ASIP: variants seen among roughly 807,000 people sequenced by gnomAD.
The protein encoded by ASIP is agouti-signaling protein.
Under a neutral mutation model 10.3 loss-of-function variants are expected in ASIP, and 11 were observed. That is an observed-to-expected ratio of 1.07 (90% CI 0.68 to 1.78). ASIP has a LOEUF of 1.78. Among genes scored for constraint, ASIP ranks in the 40% most tolerant of loss-of-function variants. ASIP has a pLI of 0.00. For synonymous variants in ASIP, 70 were observed against 70.8 expected (o/e 0.99, Z 0.06); for missense variants, 180 against 169.2 (o/e 1.06, Z -0.35).
chr20:34,247,355 C>G (rs1355676937), intron 1 of ASIP, among the ~76,000 whole-genome samples: 1 of 145,546 alleles, frequency 6.9e-6, no homozygotes, highest in Non-Finnish European at 1.5e-5. Flanking sequence ...GGCTGGAGTG[C>G]AATGGTGTGA....
At chr20:34,233,425 G>A (rs932290377) in intron 1 of ASIP, among the ~76,000 whole-genome samples, 1 of 152,110 alleles carries the variant, frequency 6.6e-6, no homozygotes, top group African/African-American at 2.4e-5. Context: ...GGGATTACAG[G>A]TGTGAGCCAC....
At chr20:34,214,482 T>C in intron 1 of ASIP, 1 of 1,511,318 alleles carries the variant, frequency 6.6e-7, no homozygotes, top group Non-Finnish European at 9.2e-7. Flanking sequence ...ATGAGATAGA[T>C]ACTGGAAGAG....
chr20:34,214,294 G>C, intron 1 of ASIP: 1 of 1,383,730 alleles, frequency 7.2e-7, no homozygotes, highest in Non-Finnish European at 1.0e-6. Flanking sequence ...AAAGCCATTA[G>C]TACACATGGA....
At chr20:34,232,325 C>A (rs1601581972) in intron 1 of ASIP, among the ~76,000 whole-genome samples, 4 of 152,188 alleles carry the variant, frequency 2.6e-5, no homozygotes. Flanking sequence ...AGACTCATGG[C>A]AGAATGTCTC....
intron 1 of ASIP, among the ~76,000 whole-genome samples, chr20:34,256,394 G>A (rs1041031708): frequency 9.2e-5 from 14 of 152,170 alleles, no homozygotes; most frequent in Admixed American, 6.5e-4. Context: ...TTATTTCTAC[G>A]ATCTCTCGTC....
chr20:34,263,872 A>G (rs1321827861), intron 3 of ASIP, among the ~76,000 whole-genome samples: 2 of 151,670 alleles, frequency 1.3e-5, no homozygotes, highest in African/African-American at 4.8e-5. Context: ...GGTTTCGCCA[A>G]GTTTGTCAGG....
At chr20:34,247,018 G>A (rs1555825067) in intron 1 of ASIP, among the ~76,000 whole-genome samples, 1 of 143,740 alleles carries the variant, frequency 7.0e-6, no homozygotes, top group African/African-American at 2.6e-5. Context: ...TTTTAGACAG[G>A]GTCTCACTCT....
At chr20:34,258,244 T>C (rs534975867) in intron 1 of ASIP, among the ~76,000 whole-genome samples, 17 of 152,024 alleles carry the variant, frequency 1.1e-4, no homozygotes, top group Non-Finnish European at 1.9e-4. Flanking sequence ...CAATCCATCA[T>C]GATTCTTACA....
chr20:34,213,556 T>A, intron 1 of ASIP: 1 of 1,537,070 alleles, frequency 6.5e-7, no homozygotes, highest in Non-Finnish European at 8.8e-7. Context: ...AAAAATTGCA[T>A]GAAGCAGGGG....
intron 1 of ASIP, among the ~76,000 whole-genome samples, chr20:34,244,656 G>A (rs2035339599): frequency 6.6e-6 from 1 of 152,114 alleles, no homozygotes; most frequent in South Asian, 2.1e-4. Context: ...TCATCCATAA[G>A]TTTTACGCAA....
At chr20:34,214,873 A>G (rs1051835906) in intron 1 of ASIP, 2 of 1,603,494 alleles carry the variant, frequency 1.2e-6, no homozygotes, top group Non-Finnish European at 1.7e-6. Context: ...CTGCAACATC[A>G]GTGCCACTTT....
chr20:34,268,876 C>G, intron 3 of ASIP, 115 bp from the exon 4 acceptor site: 1 of 1,348,660 alleles, frequency 7.4e-7, no homozygotes, highest in African/African-American at 1.5e-5. Context: ...GGTGGGCAAG[C>G]CAGCGGGGAA....
chr20:34,226,413 C>T (rs1272587229), intron 1 of ASIP, among the ~76,000 whole-genome samples: 3 of 152,040 alleles, frequency 2.0e-5, no homozygotes, highest in Non-Finnish European at 4.4e-5. Context: ...AGTGCAGTGG[C>T]ACGACTTTGG....
At chr20:34,186,857 A>G in the ASIP span, among the ~76,000 whole-genome samples, 1 of 152,114 alleles carries the variant, frequency 6.6e-6, no homozygotes, top group Non-Finnish European at 1.5e-5. Flanking sequence ...CTCTGTTGCC[A>G]GGCTGGAGTG....
chr20:34,246,423 T>C (rs1316247768), intron 1 of ASIP: 1 of 1,369,496 alleles, frequency 7.3e-7, no homozygotes, highest in East Asian at 2.3e-5. Context: ...CAGTACTCTG[T>C]TGGTAATGAA....
intron 1 of ASIP, among the ~76,000 whole-genome samples, chr20:34,233,171 A>C (rs992256308): frequency 2.3e-5 from 3 of 130,920 alleles, no homozygotes; most frequent in Admixed American, 7.8e-5. Flanking sequence ...TTTTTGATAC[A>C]GAGTCTCGCT....
At chr20:34,234,666 G>A (rs890516953) in intron 1 of ASIP, among the ~76,000 whole-genome samples, 1 of 152,072 alleles carries the variant, frequency 6.6e-6, no homozygotes, top group Admixed American at 6.6e-5. Context: ...GCCGGGCGTG[G>A]TGGCAGGCGC....
chr20:34,218,885 G>A (rs562874527), intron 1 of ASIP, among the ~76,000 whole-genome samples: 16 of 151,978 alleles, frequency 1.1e-4, no homozygotes, highest in African/African-American at 2.7e-4. Context: ...GGATGGTCTC[G>A]ATCTCCTGAC....
At chr20:34,268,280 GCTC>G (rs1322272664) in intron 3 of ASIP, among the ~76,000 whole-genome samples, 7 of 152,190 alleles carry the variant, frequency 4.6e-5, no homozygotes, top group African/African-American at 1.4e-4. Flanking sequence ...GTCCAAGACA[GCTC>G]CTGCTGGGTT....
Sources: allele counts gnomAD v4.1 joint callset (sites outside exome capture counted in the v4.1 genomes callset), GRCh38; gene constraint gnomAD v4.1.1; transcripts MANE v1.5; gene names NCBI Gene and HGNC (gene_info 2026-07-23, HGNC 2026-07-21).